The following SLC2A9 variants were observed in gnomAD, a reference collection of about 807,000 sequenced individuals.
SLC2A9 encodes the protein solute carrier family 2 member 9.
SLC2A9 carries 39 observed loss-of-function variants against 50.6 expected under a neutral mutation model. The ratio of observed to expected loss-of-function variants is 0.77; its 90% CI spans 0.60 to 1.01. The LOEUF is 1.01. SLC2A9 is among the 50% of genes least tolerant of loss of function. The probability of loss-of-function intolerance (pLI) is 0.00; values close to 1 mark genes in which losing one functional copy is unlikely to be tolerated. For synonymous variants in SLC2A9, 324 were observed against 276.9 expected (o/e 1.17, Z -1.69); for missense variants, 686 against 677.6 (o/e 1.01, Z -0.14).
intron 6 of SLC2A9, among the ~76,000 whole-genome samples, chr4:9,927,286 G>C (rs970225540): frequency 6.6e-6 from 1 of 152,160 alleles, no homozygotes; most frequent in African/African-American, 2.4e-5. Flanking sequence ...CAAAGTGCTG[G>C]GATTACAGGC....
chr4:9,855,369 C>G (rs1201790224), intron 10 of SLC2A9, among the ~76,000 whole-genome samples: 1 of 151,996 alleles, frequency 6.6e-6, no homozygotes, highest in East Asian at 1.9e-4. Context: ...AATAACCACA[C>G]AAGCATACAA....
At chr4:9,870,519 A>G (rs897674297) in intron 10 of SLC2A9, among the ~76,000 whole-genome samples, 3 of 152,234 alleles carry the variant, frequency 2.0e-5, no homozygotes, top group African/African-American at 7.2e-5. Flanking sequence ...AATCTTTCTC[A>G]GAGCAGCATT....
At chr4:9,853,369 A>G (rs995856266) in intron 10 of SLC2A9, among the ~76,000 whole-genome samples, 1 of 152,200 alleles carries the variant, frequency 6.6e-6, no homozygotes, top group Non-Finnish European at 1.5e-5. Flanking sequence ...TTCAGACAAA[A>G]CAGATTTTAA....
intron 7 of SLC2A9, among the ~76,000 whole-genome samples, chr4:9,912,005 C>A (rs939968023): frequency 5.4e-4 from 82 of 152,134 alleles, no homozygotes; most frequent in Admixed American, 5.4e-3. Flanking sequence ...ATGGATGAAG[C>A]TGGAAACCAT....
chr4:10,007,662 T>G (rs941454443), intron 2 of SLC2A9, among the ~76,000 whole-genome samples: 1 of 152,202 alleles, frequency 6.6e-6, no homozygotes, highest in African/African-American at 2.4e-5. Flanking sequence ...TTTTGAGAGG[T>G]TGCATAGCTG....
At chr4:9,819,907 C>G (rs1285362279) in intron 3 of SLC2A9, among the ~76,000 whole-genome samples, 1 of 152,260 alleles carries the variant, frequency 6.6e-6, no homozygotes, top group Non-Finnish European at 1.5e-5. Context: ...GCACTCCAGC[C>G]TGGGTGACAG....
At chr4:9,831,835 T>A (rs957483441) in intron 11 of SLC2A9, among the ~76,000 whole-genome samples, 1 of 152,162 alleles carries the variant, frequency 6.6e-6, no homozygotes, top group Non-Finnish European at 1.5e-5. Flanking sequence ...ACATTGCACC[T>A]GCCTACGGCC....
At chr4:9,815,981 C>A (rs1723534065) in intron 3 of SLC2A9, among the ~76,000 whole-genome samples, 1 of 151,754 alleles carries the variant, frequency 6.6e-6, no homozygotes, top group African/African-American at 2.4e-5. Flanking sequence ...ACCAGCCTGG[C>A]CAATATGGTG....
At chr4:9,884,374 G>A (rs538946576) in intron 10 of SLC2A9, among the ~76,000 whole-genome samples, 2 of 151,840 alleles carry the variant, frequency 1.3e-5, no homozygotes, top group East Asian at 1.9e-4. Flanking sequence ...GAGCTCAAGT[G>A]AGCCTTCTGC....
At chr4:9,943,548 G>A (rs1251637778) in intron 5 of SLC2A9, among the ~76,000 whole-genome samples, 1 of 152,120 alleles carries the variant, frequency 6.6e-6, no homozygotes, top group African/African-American at 2.4e-5. Flanking sequence ...TTTCATCTAG[G>A]GTGATGCAAA....
At chr4:9,789,502 A>G (rs1478095521) in intron 3 of SLC2A9, among the ~76,000 whole-genome samples, 1 of 152,216 alleles carries the variant, frequency 6.6e-6, no homozygotes, top group Non-Finnish European at 1.5e-5. Flanking sequence ...AGATGGATAG[A>G]GTGGCTAAAG....
chr4:10,037,917 C>T (rs1392146328), intron 1 of SLC2A9, among the ~76,000 whole-genome samples: 1 of 152,062 alleles, frequency 6.6e-6, no homozygotes, highest in Non-Finnish European at 1.5e-5. Flanking sequence ...CACCACTGCA[C>T]TCCAGCCTGG....
Position 9,979,135 on chromosome 4 carries a change from G to A in SLC2A9, c.681+1457C>T, listed in dbSNP as rs564521267. On this transcript the variant is annotated intron_variant, in intron 5 of 11. Coordinates refer to ENST00000264784, the MANE Select transcript of SLC2A9 (RefSeq NM_020041.3). ...TGGATGTGTAAGACACAACCCATAC[G>A]TGGCTTTGAAAGCACACAGACCCGG... Among the ~76,000 whole-genome samples, 186 of 152,224 alleles carry A rather than the reference G, an allele frequency of 1.2e-3. 1 individual carries two copies. Among genetic ancestry groups the A allele is most frequent in the Non-Finnish European group, 1.7e-3 (116 of 68,014 alleles).
At chr4:9,948,947 T>TTAG (rs751199776) in intron 5 of SLC2A9, among the ~76,000 whole-genome samples, 1 of 152,216 alleles carries the variant, frequency 6.6e-6, no homozygotes, top group African/African-American at 2.4e-5. Flanking sequence ...TGGCCAAACA[T>TTAG]TAGTCAGCCC....
intron 7 of SLC2A9, among the ~76,000 whole-genome samples, chr4:9,915,683 A>C (rs781014475): frequency 6.6e-6 from 1 of 152,214 alleles, no homozygotes; most frequent in Non-Finnish European, 1.5e-5. Context: ...GATGACCCCA[A>C]GCCTGGCACT....
chr4:9,896,720 G>C (rs142109085), intron 8 of SLC2A9, among the ~76,000 whole-genome samples: 9 of 152,306 alleles, frequency 5.9e-5, no homozygotes, highest in African/African-American at 1.9e-4. Context: ...TTTATGTCTA[G>C]ATACGTGGTC....
At chr4:9,933,547 T>C (rs552541801) in intron 6 of SLC2A9, among the ~76,000 whole-genome samples, 1 of 152,348 alleles carries the variant, frequency 6.6e-6, no homozygotes, top group African/African-American at 2.4e-5. Context: ...ACCTTGACAT[T>C]TCCTCGCTGA....
At chr4:9,783,754 CT>C (rs1718847295) in intron 3 of SLC2A9, 2 of 311,288 alleles carry the variant, frequency 6.4e-6, no homozygotes, top group Non-Finnish European at 1.2e-5. Context: ...ATACTTGGTC[CT>C]TAAAAAATAT....
chr4:9,792,143 A>G (rs1255697380), intron 3 of SLC2A9, among the ~76,000 whole-genome samples: 1 of 133,766 alleles, frequency 7.5e-6, no homozygotes, highest in Admixed American at 7.4e-5. Context: ...AAACCAGGAG[A>G]TGTTTTCTAT....
Sources: gnomAD v4.1 joint callset for allele counts (sites outside exome capture counted in the v4.1 genomes callset) on GRCh38, gnomAD v4.1.1 for gene constraint, MANE v1.5 for transcripts, NCBI Gene and HGNC (gene_info 2026-07-23, HGNC 2026-07-21) for gene names.